Variants in AMOTL1 observed in about 807,000 individuals in gnomAD.
AMOTL1 encodes angiomotin-like protein 1.
Under a neutral mutation model 102.9 loss-of-function variants are expected in AMOTL1, and 45 were observed. The observed-to-expected ratio is 0.44, with a 90% CI of 0.34 to 0.56. AMOTL1 has a LOEUF of 0.56. Among genes scored for constraint, AMOTL1 ranks in the 20% least tolerant of loss-of-function variants. The pLI, the probability that AMOTL1 is intolerant of heterozygous loss-of-function variation, is 0.01. For missense variants in AMOTL1, 1,114 were observed against 1,225.6 expected (o/e 0.91, Z 1.36); for synonymous variants, 481 against 484.7 (o/e 0.99, Z 0.10).
At position 94,800,108 on chromosome 11, in the gene AMOTL1, T is replaced by C. The variant is rs781178972; in HGVS notation, c.918T>C (p.Pro306=). ...PAQPAGKVLD[P]RGPPPEYPFK... ...AGCCTGCAGGTAAAGTGCTGGACCC[T>C]CGGGGTCCTCCACCTGAGTACCCCT... The change falls in exon 3 of 13, where the codon CCT becomes CCC. Residue 306 remains proline, a synonymous_variant. Coordinates refer to ENST00000433060, the MANE Select transcript of AMOTL1 (RefSeq NM_130847.3). 2 of 1,613,932 alleles carry C rather than the reference T, an allele frequency of 1.2e-6. No individual in the cohort carries two copies. Among genetic ancestry groups the C allele is most frequent in the South Asian group, 2.2e-5 (2 of 91,080 alleles).
In AMOTL1 at chr11:94,754,446, T is replaced by C. The variant is rs566150533; in HGVS notation, c.136+13458T>C. Among the ~76,000 whole-genome samples the C allele has an allele frequency of 3.9e-5, 6 of 152,330 alleles. No homozygotes were observed. In the South Asian group the frequency reaches 1.2e-3, roughly 32 times the overall value. Reference sequence around the variant, plus strand: ...AAACCCAGATTTAGCATGGGAACGCTCCGAAGTGGGACTGTAACCTTGTTA... The same window carrying C: ...AAACCCAGATTTAGCATGGGAACGCCCCGAAGTGGGACTGTAACCTTGTTA... On this transcript the variant is annotated intron_variant, in intron 3 of 4. Transcript: ENST00000299004.
chr11:94,810,979 T>C (rs1452817745), intron 3 of AMOTL1, among the ~76,000 whole-genome samples: 1 of 151,986 alleles, frequency 6.6e-6, no homozygotes, highest in Non-Finnish European at 1.5e-5. Flanking sequence ...TAAAACAAAT[T>C]GCTGATATTT....
intron 1 of AMOTL1, among the ~76,000 whole-genome samples, chr11:94,786,296 T>A (rs1054149209): frequency 1.3e-5 from 2 of 152,248 alleles, no homozygotes; most frequent in Non-Finnish European, 2.9e-5. Context: ...AGCCTTTTTA[T>A]TATGGATACT....
At chr11:94,812,108 A>G (rs1423811331) in intron 3 of AMOTL1, among the ~76,000 whole-genome samples, 1 of 152,222 alleles carries the variant, frequency 6.6e-6, no homozygotes, top group Admixed American at 6.5e-5. Flanking sequence ...AAATTGTCCT[A>G]TTGATCCGAG....
intron 2 of AMOTL1, among the ~76,000 whole-genome samples, chr11:94,733,825 G>C (rs1950393254): frequency 6.6e-6 from 1 of 152,216 alleles, no homozygotes; most frequent in Non-Finnish European, 1.5e-5. Context: ...TTCCTCTGCA[G>C]GGACCTTTTC....
At position 94,872,283 on chromosome 11, in the gene AMOTL1, C is replaced by A. The variant is rs369933050; in HGVS notation, c.*1488C>A. ...GGATTAGAAAAGAGGAGAAGCTCAT[C>A]GGGCCATCAGAGAGATGCTCCTACA... On this transcript the variant is annotated 3_prime_UTR_variant, in exon 13 of 13. Transcript: ENST00000433060. 1 of 152,116 alleles carries A rather than the reference C, an allele frequency of 6.6e-6. No homozygotes were observed. Among genetic ancestry groups the A allele is most frequent in the South Asian group, 2.1e-4 (1 of 4,826 alleles). The allele number at this position is 152,116 out of a possible 1,614,324, so 9.4% of individuals were successfully genotyped here.
At chr11:94,734,825 T>C (rs1950413114) in intron 2 of AMOTL1, among the ~76,000 whole-genome samples, 1 of 152,204 alleles carries the variant, frequency 6.6e-6, no homozygotes, top group African/African-American at 2.4e-5. Context: ...CACTTCTTTC[T>C]GTCTTTCATG....
intron 1 of AMOTL1, among the ~76,000 whole-genome samples, chr11:94,773,783 G>C (rs976075545): frequency 1.3e-5 from 2 of 152,142 alleles, no homozygotes; most frequent in South Asian, 4.1e-4. Flanking sequence ...AACAGTACAT[G>C]GCATGATAGC....
chr11:94,821,877 G>T lies in AMOTL1; in HGVS notation c.1413+56G>T. 1.9e-6 allele frequency: 3 copies of T among 1,585,970 alleles called. No individual in the cohort carries two copies. In the East Asian group the frequency reaches 6.7e-5, roughly 35 times the overall value. On this transcript the variant is annotated intron_variant, in intron 4 of 12. Transcript: ENST00000433060. ...GACAAATTCTTTACCTGGTCATGGG[G>T]AGTTGATGCACTGACTGACTTGCCA...
chr11:94,790,750 A>G (rs1284405719), intron 1 of AMOTL1, among the ~76,000 whole-genome samples: 1 of 152,166 alleles, frequency 6.6e-6, no homozygotes, highest in African/African-American at 2.4e-5. Context: ...TGTGTATTGT[A>G]TGATAGCGGA....
chr11:94,863,109 G>A (rs1395981639), intron 9 of AMOTL1, among the ~76,000 whole-genome samples: 1 of 152,044 alleles, frequency 6.6e-6, no homozygotes, highest in East Asian at 1.9e-4. Flanking sequence ...CCTAACCCTG[G>A]TTTCTTCATC....
At chr11:94,785,718 G>T (rs980927160) in intron 1 of AMOTL1, among the ~76,000 whole-genome samples, 1 of 152,184 alleles carries the variant, frequency 6.6e-6, no homozygotes, top group African/African-American at 2.4e-5. Flanking sequence ...AATAGGGTCC[G>T]GAAAGCTGGA....
At chr11:94,716,703 G>A (rs1163494493) in intron 1 of AMOTL1, among the ~76,000 whole-genome samples, 3 of 152,066 alleles carry the variant, frequency 2.0e-5, no homozygotes, top group South Asian at 2.1e-4. Flanking sequence ...CTAATGCTTC[G>A]CCTGAGGATG....
intron 3 of AMOTL1, among the ~76,000 whole-genome samples, chr11:94,749,080 A>G (rs904192818): frequency 1.3e-5 from 2 of 152,234 alleles, no homozygotes; most frequent in Non-Finnish European, 2.9e-5. Flanking sequence ...TCTTGTGATT[A>G]TGGAGGGTGA....
At chr11:94,836,756 CCTTCTT>C (rs1416868253) in intron 6 of AMOTL1, among the ~76,000 whole-genome samples, 1 of 143,242 alleles carries the variant, frequency 7.0e-6, no homozygotes, top group Non-Finnish European at 1.5e-5. Context: ...TTTCTTCCTT[CCTTCTT>C]TTTTTTTTTT....
chr11:94,827,757 C>T (rs1347284226), intron 4 of AMOTL1, among the ~76,000 whole-genome samples: 8 of 152,208 alleles, frequency 5.3e-5, no homozygotes, highest in Non-Finnish European at 1.0e-4. Flanking sequence ...CAGAAGCCCC[C>T]GTGCTCTCCA....
At chr11:94,849,146 C>A (rs1015424414) in intron 6 of AMOTL1, among the ~76,000 whole-genome samples, 4 of 152,090 alleles carry the variant, frequency 2.6e-5, no homozygotes, top group Non-Finnish European at 5.9e-5. Flanking sequence ...TTGTAACTAC[C>A]TGTTTTCAAC....
chr11:94,747,066 TG>T (rs1950597670), intron 3 of AMOTL1, among the ~76,000 whole-genome samples: 1 of 152,126 alleles, frequency 6.6e-6, no homozygotes, highest in Non-Finnish European at 1.5e-5. Context: ...TGTTTATTCC[TG>T]GGGCTTATCC....
chr11:94,857,832 G>T (rs1952698614), intron 8 of AMOTL1, among the ~76,000 whole-genome samples: 1 of 152,070 alleles, frequency 6.6e-6, no homozygotes, highest in South Asian at 2.1e-4. Flanking sequence ...CCTGGTACAT[G>T]GTACATGCTC....
Sources: allele counts gnomAD v4.1 joint callset (sites outside exome capture counted in the v4.1 genomes callset), GRCh38; gene constraint gnomAD v4.1.1; transcripts MANE v1.5; gene names NCBI Gene and HGNC (gene_info 2026-07-23, HGNC 2026-07-21).